Variants in VRK3 observed in about 807,000 individuals in gnomAD.
VRK3 encodes serine/threonine-protein kinase VRK3.
A neutral mutation model predicts 60.4 loss-of-function variants in VRK3; 50 were observed. The ratio of observed to expected loss-of-function variants is 0.83; its 90% CI spans 0.66 to 1.05. The LOEUF (loss-of-function observed/expected upper bound fraction) is 1.05, where lower values mean the gene tolerates loss of function less well. Among genes scored for constraint, VRK3 ranks in the 50% least tolerant of loss-of-function variants. The probability of loss-of-function intolerance (pLI) is 0.00; values close to 1 mark genes in which losing one functional copy is unlikely to be tolerated. For synonymous variants in VRK3, 246 were observed against 227.8 expected (o/e 1.08, Z -0.72); for missense variants, 549 against 585.3 (o/e 0.94, Z 0.64).
At chr19:49,991,250 G>C (rs1286176962) in intron 10 of VRK3, among the ~76,000 whole-genome samples, 2 of 151,984 alleles carry the variant, frequency 1.3e-5, no homozygotes, top group Non-Finnish European at 2.9e-5. Flanking sequence ...AATGTGGGTG[G>C]GTCTCATTCA....
intron 10 of VRK3, among the ~76,000 whole-genome samples, chr19:49,991,373 A>T (rs2076608274): frequency 6.6e-6 from 1 of 151,926 alleles, no homozygotes; most frequent in Non-Finnish European, 1.5e-5. Flanking sequence ...AACTGAAACA[A>T]CCCCTCTTCT....
chr19:49,998,634 T>C (rs1230991684), intron 6 of VRK3: 3 of 152,152 alleles, frequency 2.0e-5, no homozygotes, highest in Non-Finnish European at 4.4e-5. Context: ...ATGCTGAGTA[T>C]TATTCTGGGC....
At chr19:50,022,112 C>A (rs1426125078) in intron 1 of VRK3, among the ~76,000 whole-genome samples, 1 of 152,220 alleles carries the variant, frequency 6.6e-6, no homozygotes, top group African/African-American at 2.4e-5. Context: ...TGACTCCACT[C>A]ACCTAGAAAA....
intron 2 of VRK3, among the ~76,000 whole-genome samples, chr19:50,018,028 A>G (rs2077105747): frequency 6.6e-6 from 1 of 152,194 alleles, no homozygotes; most frequent in African/African-American, 2.4e-5. Flanking sequence ...TTGCAAATGC[A>G]AACAGTGGAG....
chr19:50,000,389 T>G, intron 6 of VRK3: 1 of 195,596 alleles, frequency 5.1e-6, no homozygotes, highest in Non-Finnish European at 9.7e-6. Context: ...TCTGCTGGGT[T>G]CTCTTTTGGA....
Position 50,000,856 on chromosome 19 carries a change from T to A in VRK3, c.548-2A>T, listed in dbSNP as rs1223974678. The A allele has an allele frequency of 6.2e-7, 1 of 1,613,464 alleles. No individual in the cohort carries two copies. Among genetic ancestry groups the A allele is most frequent in the Non-Finnish European group, 8.5e-7 (1 of 1,179,784 alleles). On this transcript the variant is annotated splice_acceptor_variant, in intron 5 of 14. Coordinates refer to ENST00000316763, the MANE Select transcript of VRK3 (RefSeq NM_016440.4). LOFTEE classifies it high-confidence loss of function. ...AGGTGAGGGTGGAGGTGGGTGCAGCTGTGGGGGAACAAACAAGGGAGTGAG... is the reference window on the plus strand; with the variant it reads ...AGGTGAGGGTGGAGGTGGGTGCAGCAGTGGGGGAACAAACAAGGGAGTGAG...
At chr19:50,009,729 G>A (rs963504750) in intron 3 of VRK3, among the ~76,000 whole-genome samples, 3 of 152,078 alleles carry the variant, frequency 2.0e-5, no homozygotes, top group African/African-American at 7.2e-5. Flanking sequence ...TGCCTCCTGG[G>A]TTCAAGCAAT....
chr19:49,988,407 A>G lies in VRK3; in HGVS notation c.1182T>C (p.Leu394=), dbSNP rs1438768285. 17 of 1,613,282 alleles carry G rather than the reference A, an allele frequency of 1.1e-5. No homozygotes were observed. Among genetic ancestry groups the G allele is most frequent in the Non-Finnish European group, 1.4e-5 (17 of 1,179,582 alleles). Residue 394 remains leucine (L), a synonymous_variant, in exon 12 of 15, where the codon CTT becomes CTC. Coordinates refer to ENST00000316763, the MANE Select transcript of VRK3 (RefSeq NM_016440.4). Reference sequence around the variant, plus strand: ...GCTTCATGATGTCCTCAGTGTTGGGAAGGCAATTTGTCCATGGCAGAAACC... The same window carrying G: ...GCTTCATGATGTCCTCAGTGTTGGGGAGGCAATTTGTCCATGGCAGAAACC... ...LYGFLPWTNC[L]PNTEDIMKQK... is the part of the protein sequence containing the mutation.
At chr19:50,001,095 T>C (rs1265038295) in intron 5 of VRK3, 2 of 454,520 alleles carry the variant, frequency 4.4e-6, no homozygotes, top group Non-Finnish European at 7.9e-6. Context: ...ACGGCTCTCC[T>C]GGCAAGGTCT....
intron 14 of VRK3, chr19:49,978,619 A>G (rs1213287725): frequency 6.4e-6 from 1 of 157,062 alleles, no homozygotes; most frequent in East Asian, 1.9e-4. Context: ...GGTAGTGCGC[A>G]CTATGAACGA....
chr19:50,023,172 ATT>A (rs1238235296), intron 1 of VRK3, among the ~76,000 whole-genome samples: 1 of 151,976 alleles, frequency 6.6e-6, no homozygotes, highest in Non-Finnish European at 1.5e-5. Context: ...CTTGGACACG[ATT>A]TTACTGTGTT....
At position 49,979,129 on chromosome 19, in the gene VRK3, G is replaced by C; in HGVS notation, c.1390C>G (p.Pro464Ala). 1 of 1,613,792 alleles carries C rather than the reference G, an allele frequency of 6.2e-7. No homozygotes were observed. The highest frequency in any genetic ancestry group is 8.5e-7 in the Non-Finnish European group (1 of 1,179,812). Residue 464 changes from proline (P) to alanine (A), a missense_variant, in exon 14 of 15, where the codon CCA (proline) becomes GCA (alanine). Physicochemically the swap from Pro to Ala is conservative, Grantham distance 27 (BLOSUM62 -1). Transcript: ENST00000316763. ...ATCGGGAGGCCAATGGGGTCATATGGAGACACACGCAGATCCTGCAGCAAA... is the reference window on the plus strand; with the variant it reads ...ATCGGGAGGCCAATGGGGTCATATGCAGACACACGCAGATCCTGCAGCAAA... ...EALLQDLRVS[P>A]YDPIGLPMVP
At chr19:49,980,913 C>T in intron 13 of VRK3, 42 bp downstream of exon 13, 2 of 1,580,122 alleles carry the variant, frequency 1.3e-6, no homozygotes, top group East Asian at 2.3e-5. Context: ...CCACCAGGTC[C>T]TGCCCGAGTC....
At chr19:49,977,178 GGGT>G (rs1222005957) in intron 14 of VRK3, among the ~76,000 whole-genome samples, 1 of 152,064 alleles carries the variant, frequency 6.6e-6, no homozygotes, top group Non-Finnish European at 1.5e-5. Flanking sequence ...TTCCGGGGTG[GGGT>G]CCAGCTTGGC....
At chr19:49,999,198 C>T (rs2076758314) in intron 6 of VRK3, 1 of 152,258 alleles carries the variant, frequency 6.6e-6, no homozygotes, top group Non-Finnish European at 1.5e-5. Context: ...AATAGGTTCT[C>T]AATAAGCAGG....
At chr19:50,004,017 A>G (rs929421479) in intron 5 of VRK3, among the ~76,000 whole-genome samples, 1 of 152,276 alleles carries the variant, frequency 6.6e-6, no homozygotes, top group African/African-American at 2.4e-5. Context: ...CCTGGCCAAC[A>G]TAGTGAGATC....
At chr19:49,996,062 C>T (rs902294539) in intron 7 of VRK3, among the ~76,000 whole-genome samples, 3 of 152,156 alleles carry the variant, frequency 2.0e-5, no homozygotes, top group African/African-American at 7.2e-5. Flanking sequence ...GCTGGGATCA[C>T]AGGCACGTGC....
chr19:49,979,002 G>A (rs1600642736), intron 14 of VRK3, 81 bp downstream of exon 14: 1 of 1,441,436 alleles, frequency 6.9e-7, no homozygotes, highest in East Asian at 2.4e-5. Flanking sequence ...AACAGCCTCT[G>A]GGAAGTGTCT....
chr19:49,994,777 C>T (rs1336997572), intron 9 of VRK3, 37 bp downstream of exon 9: 1 of 1,585,438 alleles, frequency 6.3e-7, no homozygotes, highest in African/African-American at 1.3e-5. Flanking sequence ...GATGTGCCCT[C>T]CCTGACGCGG....
Sources: gnomAD v4.1 joint callset for allele counts (sites outside exome capture counted in the v4.1 genomes callset) on GRCh38, gnomAD v4.1.1 for gene constraint, MANE v1.5 for transcripts, NCBI Gene and HGNC (gene_info 2026-07-23, HGNC 2026-07-21) for gene names.